Variants in DHX30 observed in about 807,000 individuals in gnomAD.
DHX30 encodes ATP-dependent RNA helicase DHX30.
Under a neutral mutation model 116.9 loss-of-function variants are expected in DHX30, and 4 were observed. That is an observed-to-expected ratio of 0.03 (90% CI 0.02 to 0.08). The LOEUF (loss-of-function observed/expected upper bound fraction) is 0.08. Ranked by LOEUF, DHX30 falls within the 10% of genes least tolerant of loss-of-function variation. The probability of loss-of-function intolerance (pLI) is 1.00; values close to 1 mark genes in which losing one functional copy is unlikely to be tolerated. For synonymous variants in DHX30, 697 were observed against 651.7 expected, an observed-to-expected ratio of 1.07 and a Z score of -1.06; for missense variants, 871 against 1,595.1, an observed-to-expected ratio of 0.55 and a Z score of 7.73.
intron 3 of DHX30, chr3:47,817,099 A>G: frequency 1.6e-5 from 6 of 386,350 alleles, no homozygotes; most frequent in Non-Finnish European, 1.8e-5. Context: ...ACATCTTTGT[A>G]GAACAGGTGG....
chr3:47,831,502 C>T (rs934693187), intron 6 of DHX30, among the ~76,000 whole-genome samples: 2 of 151,942 alleles, frequency 1.3e-5, no homozygotes, highest in African/African-American at 4.8e-5. Flanking sequence ...CCTCTCTTGC[C>T]CTTTTGTTTA....
intron 4 of DHX30, among the ~76,000 whole-genome samples, chr3:47,823,360 T>G (rs1009062057): frequency 4.3e-4 from 64 of 149,502 alleles, no homozygotes; most frequent in East Asian, 1.4e-3. Context: ...GGTTGTTGTT[T>G]TTTTTTTTTT....
chr3:47,810,773 G>A (rs2035753809), intron 3 of DHX30, 62 bp downstream of exon 3: 1 of 1,528,464 alleles, frequency 6.5e-7, no homozygotes, highest in South Asian at 1.1e-5. Context: ...CAGCTCTGAG[G>A]GCTGTGAAAG....
intron 4 of DHX30, among the ~76,000 whole-genome samples, chr3:47,821,269 T>C (rs778320751): frequency 6.6e-6 from 1 of 151,168 alleles, no homozygotes; most frequent in Admixed American, 6.6e-5. Flanking sequence ...TTCCTAACTT[T>C]CTTTTTTCTT....
At chr3:47,816,499 A>G in intron 3 of DHX30, 1 of 934,336 alleles carries the variant, frequency 1.1e-6, no homozygotes, top group Non-Finnish European at 1.3e-6. Flanking sequence ...CTGGGACTAC[A>G]GGCACACGCC....
chr3:47,820,788 T>C (rs945518200), intron 4 of DHX30, among the ~76,000 whole-genome samples: 1 of 152,184 alleles, frequency 6.6e-6, no homozygotes, highest in Non-Finnish European at 1.5e-5. Flanking sequence ...GTAAATGCTT[T>C]CTTTTTTCAG....
At chr3:47,843,644 C>T (rs2037473964) in intron 9 of DHX30, among the ~76,000 whole-genome samples, 1 of 152,150 alleles carries the variant, frequency 6.6e-6, no homozygotes, top group Non-Finnish European at 1.5e-5. Flanking sequence ...TGACTTGTGA[C>T]TGCAGTGATG....
intron 6 of DHX30, among the ~76,000 whole-genome samples, chr3:47,837,638 G>A (rs2037182894): frequency 6.6e-6 from 1 of 152,172 alleles, no homozygotes; most frequent in African/African-American, 2.4e-5. Context: ...GCGTACGCCT[G>A]TAATCCCAGC....
chr3:47,807,703 C>CAAA (rs1202083372), intron 2 of DHX30, among the ~76,000 whole-genome samples: 10 of 32,696 alleles, frequency 3.1e-4, no homozygotes, highest in East Asian at 1.1e-3. Flanking sequence ...GACTCTGTCT[C>CAAA]AAAAAAAAAA....
At chr3:47,840,553 C>T (rs577210989) in intron 6 of DHX30, among the ~76,000 whole-genome samples, 2 of 152,018 alleles carry the variant, frequency 1.3e-5, no homozygotes, top group African/African-American at 4.8e-5. Context: ...GGAGGGTCAC[C>T]TGAGCCCAGG....
At position 47,845,780 on chromosome 3, in the gene DHX30, G is replaced by A; in HGVS notation, c.1020G>A (p.Glu340=). The change falls in exon 10 of 22, where the codon GAG becomes GAA. Residue 340 remains glutamate (E), a synonymous_variant. Transcript: ENST00000445061. ...YNLASLRELG[E]TQRRPCTIQV... is the part of the protein sequence containing the mutation. ...TGGCCTCTTTGCGTGAGCTGGGTGAGACCCAGCGCCGACCATGCACCATCC... is the reference window on the plus strand; with the variant it reads ...TGGCCTCTTTGCGTGAGCTGGGTGAAACCCAGCGCCGACCATGCACCATCC... The A allele has an allele frequency of 6.2e-7, 1 of 1,612,768 alleles. No individual in the cohort carries two copies. Among genetic ancestry groups the A allele is most frequent in the Admixed American group, 1.7e-5 (1 of 60,012 alleles).
At chr3:47,841,544 C>G (rs1433195005) in intron 7 of DHX30, 73 bp from the exon 8 acceptor site, 1 of 1,604,966 alleles carries the variant, frequency 6.2e-7, no homozygotes, top group Non-Finnish European at 8.5e-7. Flanking sequence ...GTCCTCACCC[C>G]TACATCGCAG....
chr3:47,812,828 T>C (rs1156839033), intron 3 of DHX30, among the ~76,000 whole-genome samples: 3 of 150,916 alleles, frequency 2.0e-5, no homozygotes, highest in Admixed American at 2.0e-4. Context: ...CACACCCGGG[T>C]AATTCTTGTA....
At chr3:47,828,894 C>T (rs2036673980) in intron 5 of DHX30, 130 bp from the exon 6 acceptor site, 1 of 655,908 alleles carries the variant, frequency 1.5e-6, no homozygotes, top group Admixed American at 2.6e-5. Flanking sequence ...CTGTTCTCAA[C>T]TCTGAACCTA....
intron 2 of DHX30, among the ~76,000 whole-genome samples, chr3:47,806,416 A>G (rs1047756701): frequency 6.6e-6 from 1 of 150,556 alleles, no homozygotes; most frequent in Non-Finnish European, 1.5e-5. Flanking sequence ...TGCTGGGATT[A>G]CAGGTGTGAG....
chr3:47,826,444 C>CT (rs978485673), intron 4 of DHX30, among the ~76,000 whole-genome samples: 2,079 of 133,934 alleles, frequency 0.016, 19 homozygotes, highest in Non-Finnish European at 0.023. Flanking sequence ...GGTTTTCTTT[C>CT]TTTTTTTTTT....
intron 4 of DHX30, among the ~76,000 whole-genome samples, chr3:47,824,399 G>T (rs2036442415): frequency 1.3e-5 from 2 of 152,104 alleles, no homozygotes; most frequent in South Asian, 4.1e-4. Context: ...CCAGCCCTGG[G>T]GATTAAATCT....
In DHX30 at chr3:47,848,492, T is replaced by A; in HGVS notation, c.2517T>A (p.Ala839=). ...AGGCGGTGGAGTTCCTGTCCAAGGC[T>A]GTGGACAGTCCAAACATCAAGGCAG... ...EKTAVEFLSK[A]VDSPNIKAVD... The change falls in exon 16 of 22, where the codon GCT becomes GCA. Residue 839 remains alanine, a synonymous_variant. Coordinates refer to ENST00000445061, the MANE Select transcript of DHX30 (RefSeq NM_138615.3). The surrounding 1 kb of genome is among the most constrained non-coding windows in gnomAD (Gnocchi z 9.4). 1 of 1,613,516 alleles carries A rather than the reference T, an allele frequency of 6.2e-7. No homozygotes were observed. The highest frequency in any genetic ancestry group is 8.5e-7 in the Non-Finnish European group (1 of 1,179,878).
chr3:47,807,404 C>CTTT (rs1285497050), intron 2 of DHX30, among the ~76,000 whole-genome samples: 1 of 151,026 alleles, frequency 6.6e-6, no homozygotes, highest in African/African-American at 2.4e-5. Context: ...GGTTTAGGGA[C>CTTT]TTTTAAAAAG....
Sources: gnomAD v4.1 joint callset for allele counts (sites outside exome capture counted in the v4.1 genomes callset) on GRCh38, gnomAD v4.1.1 for gene constraint, Gnocchi (gnomAD v3.1) non-coding constraint, MANE v1.5 for transcripts, NCBI Gene and HGNC (gene_info 2026-07-23, HGNC 2026-07-21) for gene names.